ZNF782: variants seen among roughly 807,000 people sequenced by gnomAD.
The protein encoded by ZNF782 is zinc finger protein 782.
In ZNF782, 12 loss-of-function variants were observed where a neutral mutation model predicts 13.0. The observed-to-expected ratio is 0.92, with a 90% CI of 0.59 to 1.50. The LOEUF (loss-of-function observed/expected upper bound fraction) is 1.50. Among genes scored for constraint, ZNF782 ranks in the 40% most tolerant of loss-of-function variants. The pLI, the probability that ZNF782 is intolerant of heterozygous loss-of-function variation, is 0.00. For synonymous variants in ZNF782, 284 were observed against 283.0 expected (o/e 1.00, Z -0.04); for missense variants, 770 against 822.9 (o/e 0.94, Z 0.79).
At chr9:96,929,146 G>C in the ZNF782 span, 1 of 1,574,934 alleles carries the variant, frequency 6.3e-7, no homozygotes, top group Non-Finnish European at 8.7e-7. Context: ...TGATGTTGAG[G>C]GAGCACTGGA....
chr9:96,890,842 G>A, the ZNF782 span: 1 of 152,208 alleles, frequency 6.6e-6, no homozygotes, highest in Admixed American at 6.5e-5. Context: ...AGTGTTCACA[G>A]CAACATTATT....
At chr9:96,845,845 A>G (rs1014064046) in intron 3 of ZNF782, among the ~76,000 whole-genome samples, 1 of 152,228 alleles carries the variant, frequency 6.6e-6, no homozygotes, top group South Asian at 2.1e-4. Context: ...CAAGAAGGTC[A>G]AAGAACTCTT....
In ZNF782 at chr9:96,817,928, C is replaced by A; in HGVS notation, c.2095G>T (p.Asp699Tyr). Residue 699 changes from aspartate to tyrosine, a missense_variant, in exon 6 of 6, where the codon GAT (aspartate) becomes TAT (tyrosine). Transcript: ENST00000481138. Reference protein sequence around the residue: ...LREHQKAHPGD With the variant: ...LREHQKAHPGY ...TATTCTTTATATGCATACATTTAATCCCCTGGGTGGGCTTTCTGATGTTCT... is the reference window on the plus strand; with the variant it reads ...TATTCTTTATATGCATACATTTAATACCCTGGGTGGGCTTTCTGATGTTCT... 1 of 1,556,040 alleles carries A rather than the reference C, an allele frequency of 6.4e-7. No homozygotes were observed. Among genetic ancestry groups the A allele is most frequent in the South Asian group, 1.3e-5 (1 of 79,820 alleles).
At chr9:96,917,887 C>CGCGCGTGTGTGTGTGTGTGTGTGT in the ZNF782 span, among the ~76,000 whole-genome samples, 1 of 121,682 alleles carries the variant, frequency 8.2e-6, no homozygotes, top group African/African-American at 3.6e-5. Context: ...CCACCCTTGG[C>CGCGCGTGTGTGTGTGTGTGTGTGT]GTGTGTGTGT....
chr9:96,829,709 C>G (rs1348948207), intron 4 of ZNF782, among the ~76,000 whole-genome samples: 3 of 151,624 alleles, frequency 2.0e-5, no homozygotes, highest in African/African-American at 7.3e-5. Context: ...TAAGATGGGC[C>G]CTGAAACAAG....
At chr9:96,920,404 C>T in the ZNF782 span, among the ~76,000 whole-genome samples, 1 of 149,522 alleles carries the variant, frequency 6.7e-6, no homozygotes, top group African/African-American at 2.4e-5. Flanking sequence ...GTAGCTGGGA[C>T]TACAGGCGCC....
chr9:96,887,175 G>A, the ZNF782 span, among the ~76,000 whole-genome samples: 2 of 151,412 alleles, frequency 1.3e-5, no homozygotes, highest in Non-Finnish European at 2.9e-5. Flanking sequence ...TTAGCCAGGT[G>A]TGGTGGCACA....
Position 96,819,100 on chromosome 9 carries a change from A to T in ZNF782, c.923T>A (p.Ile308Lys), listed in dbSNP as rs1325365508. The change falls in exon 6 of 6, where the codon ATA (isoleucine) becomes AAA (lysine). Residue 308 changes from isoleucine to lysine, a missense_variant. Transcript: ENST00000481138. ...SHIREHHRVH[I>K]GVKPFEYGKS... ...TCCATATTCAAAGGGTTTCACCCCT[A>T]TATGAACTCTATGATGTTCTCTAAT... 3.1e-6 allele frequency: 5 copies of T among 1,614,076 alleles called. No individual in the cohort carries two copies. Among genetic ancestry groups the T allele is most frequent in the Non-Finnish European group, 4.2e-6 (5 of 1,180,008 alleles).
At chr9:96,906,065 T>C in the ZNF782 span, among the ~76,000 whole-genome samples, 2 of 152,224 alleles carry the variant, frequency 1.3e-5, no homozygotes, top group African/African-American at 4.8e-5. Flanking sequence ...GAATGTAAAA[T>C]GGTGTAGCCA....
chr9:96,873,165 C>T (rs76404346), intron 1 of ZNF782, among the ~76,000 whole-genome samples: 236 of 152,176 alleles, frequency 1.6e-3, no homozygotes, highest in African/African-American at 5.4e-3. Flanking sequence ...TTTTCATCTA[C>T]TTTAATTCTT....
At chr9:96,931,652 CCT>C in the ZNF782 span, 62 of 1,579,914 alleles carry the variant, frequency 3.9e-5, no homozygotes, top group South Asian at 1.6e-4. Context: ...TTGGGACTCC[CCT>C]GATTCCCCAG....
At chr9:96,855,075 A>T (rs1851622380), upstream of ZNF782, among the ~76,000 whole-genome samples, 1 of 152,172 alleles carries the variant, frequency 6.6e-6, no homozygotes. Context: ...TGGCGCCCCC[A>T]GGCGTGAGGG....
intron 1 of ZNF782, among the ~76,000 whole-genome samples, chr9:96,870,121 A>T (rs1406700618): frequency 6.6e-6 from 1 of 152,186 alleles, no homozygotes; most frequent in Non-Finnish European, 1.5e-5. Flanking sequence ...TGGCATTGTA[A>T]ACCTCAGCCA....
At chr9:96,843,670 C>G (rs1162060687) in intron 4 of ZNF782, among the ~76,000 whole-genome samples, 1 of 152,134 alleles carries the variant, frequency 6.6e-6, no homozygotes, top group African/African-American at 2.4e-5. Context: ...GTACCAGTGT[C>G]TATTTACTGG....
upstream of ZNF782, among the ~76,000 whole-genome samples, chr9:96,879,467 C>T (rs907259293): frequency 6.6e-6 from 1 of 152,220 alleles, no homozygotes; most frequent in African/African-American, 2.4e-5. Context: ...CGCGCCACTG[C>T]ACTCCAGCCT....
At chr9:96,908,030 T>A in the ZNF782 span, among the ~76,000 whole-genome samples, 1 of 151,928 alleles carries the variant, frequency 6.6e-6, no homozygotes, top group Non-Finnish European at 1.5e-5. Flanking sequence ...GAACTACTAG[T>A]ATTGGAAATA....
chr9:96,856,911 T>C (rs1851649805), upstream of ZNF782, among the ~76,000 whole-genome samples: 1 of 152,180 alleles, frequency 6.6e-6, no homozygotes, highest in African/African-American at 2.4e-5. Context: ...TACACGTGCA[T>C]TCCTTATCAA....
chr9:96,831,950 A>G (rs897428118), intron 4 of ZNF782, among the ~76,000 whole-genome samples: 1 of 151,990 alleles, frequency 6.6e-6, no homozygotes, highest in African/African-American at 2.4e-5. Flanking sequence ...TTAAAAACCA[A>G]CTCTTTCAAT....
Position 96,818,036 on chromosome 9 carries a change from C to T in ZNF782, c.1987G>A (p.Val663Ile), listed in dbSNP as rs775690031. ...EAFSQKSNLR[V>I]HQRTHTGEKP... ...TCCCCTGTGTGAGTTCTCTGATGTACTCTGAGATTGGATTTCTGACTGAAA... is the reference window on the plus strand; with the variant it reads ...TCCCCTGTGTGAGTTCTCTGATGTATTCTGAGATTGGATTTCTGACTGAAA... Residue 663 changes from valine (V) to isoleucine (I), a missense_variant, in exon 6 of 6, where the codon GTA (valine) becomes ATA (isoleucine). Coordinates refer to ENST00000481138, the MANE Select transcript of ZNF782 (RefSeq NM_001001662.3). The T allele has an allele frequency of 1.4e-5, 22 of 1,608,462 alleles. No individual in the cohort carries two copies. Among genetic ancestry groups the T allele is most frequent in the Non-Finnish European group, 1.9e-5 (22 of 1,177,822 alleles).
Sources: allele counts gnomAD v4.1 joint callset (sites outside exome capture counted in the v4.1 genomes callset), GRCh38; gene constraint gnomAD v4.1.1; transcripts MANE v1.5; gene names NCBI Gene and HGNC (gene_info 2026-07-23, HGNC 2026-07-21).